Variants in RPF1 observed in about 807,000 individuals in gnomAD.
RPF1 encodes ribosome production factor 1 homolog.
In RPF1, 34 loss-of-function variants were observed where a neutral mutation model predicts 41.9. That is an observed-to-expected ratio of 0.81 (90% CI 0.62 to 1.08). The LOEUF is 1.08. RPF1 is among the 50% of genes least tolerant of loss of function. The pLI is 0.00. For missense variants in RPF1, 425 were observed against 435.2 expected, an observed-to-expected ratio of 0.98 and a Z score of 0.21; for synonymous variants, 140 against 148.9, an observed-to-expected ratio of 0.94 and a Z score of 0.43.
Position 84,496,313 on chromosome 1 carries a change from G to T in RPF1, c.951G>T (p.Arg317Ser). 1.9e-6 allele frequency: 3 copies of T among 1,613,160 alleles called. No individual in the cohort carries two copies. The highest frequency in any genetic ancestry group is 2.5e-6 in the Non-Finnish European group (3 of 1,179,288). ...GACCACGTTTTACCTTAAAATTAAG[G>T]TCTCTTCAGAAAGGAACCTTTGATT... ...ELGPRFTLKLRSLQKGTFDSK... is the reference protein window; with the variant it reads ...ELGPRFTLKLSSLQKGTFDSK... The change falls in exon 8 of 9, where the codon AGG (arginine) becomes AGT (serine). Residue 317 changes from arginine to serine, a missense_variant. Coordinates refer to ENST00000370654, the MANE Select transcript of RPF1 (RefSeq NM_025065.7).
intron 2 of RPF1, among the ~76,000 whole-genome samples, chr1:84,481,554 C>T (rs1359109807): frequency 6.6e-6 from 1 of 152,040 alleles, no homozygotes; most frequent in Non-Finnish European, 1.5e-5. Context: ...GGATATGAAC[C>T]TGTGAAAAGT....
intron 3 of RPF1, among the ~76,000 whole-genome samples, chr1:84,484,197 A>G (rs1397568046): frequency 6.6e-6 from 1 of 152,194 alleles, no homozygotes; most frequent in Non-Finnish European, 1.5e-5. Context: ...TTTTGACATT[A>G]TTTCAGACTT....
chr1:84,480,352 G>GA (rs1233782751), intron 1 of RPF1, among the ~76,000 whole-genome samples: 2 of 151,974 alleles, frequency 1.3e-5, no homozygotes, highest in East Asian at 1.9e-4. Context: ...AGGTGCTGGG[G>GA]AAAAAAGAAT....
chr1:84,495,492 C>A, intron 6 of RPF1, 37 bp downstream of exon 6: 1 of 858,746 alleles, frequency 1.2e-6, no homozygotes, highest in Non-Finnish European at 1.9e-6. Context: ...GCATTGATCT[C>A]TTCACAATAT....
chr1:84,484,553 A>G (rs761883571), intron 3 of RPF1, among the ~76,000 whole-genome samples: 12 of 152,084 alleles, frequency 7.9e-5, no homozygotes, highest in Non-Finnish European at 1.3e-4. Context: ...AATAGTATAG[A>G]CCAGATATTC....
chr1:84,493,941 T>C (rs937567109), intron 5 of RPF1, among the ~76,000 whole-genome samples: 1 of 152,248 alleles, frequency 6.6e-6, no homozygotes, highest in Non-Finnish European at 1.5e-5. Flanking sequence ...CTGATACTAA[T>C]GTCTTTTTTC....
At chr1:84,483,880 T>G (rs1180970950) in intron 3 of RPF1, among the ~76,000 whole-genome samples, 1 of 152,248 alleles carries the variant, frequency 6.6e-6, no homozygotes, top group Non-Finnish European at 1.5e-5. Flanking sequence ...TCTGTCATTC[T>G]TTCAGCAAAT....
At chr1:84,495,584 T>A in intron 6 of RPF1, 129 bp downstream of exon 6, 1 of 589,228 alleles carries the variant, frequency 1.7e-6, no homozygotes. Flanking sequence ...GAGCAGTTTT[T>A]AATCTATCAA....
intron 3 of RPF1, 34 bp from the exon 4 acceptor site, chr1:84,489,599 T>C (rs781399915): frequency 3.4e-6 from 4 of 1,192,176 alleles, no homozygotes; most frequent in Admixed American, 1.7e-5. Context: ...GAGTATTTCT[T>C]TGATGTAAAA....
At chr1:84,480,003 G>A (rs1681614677) in intron 1 of RPF1, among the ~76,000 whole-genome samples, 1 of 152,076 alleles carries the variant, frequency 6.6e-6, no homozygotes, top group East Asian at 1.9e-4. Flanking sequence ...ATCCTTATAC[G>A]TTTCTGGTAG....
intron 2 of RPF1, 43 bp from the exon 3 acceptor site, chr1:84,482,872 A>G (rs1471840246): frequency 1.7e-6 from 2 of 1,202,652 alleles, no homozygotes; most frequent in South Asian, 1.3e-5. Context: ...AATATAATTA[A>G]TGTAAAATCC....
At chr1:84,479,934 T>C (rs78307576) in intron 1 of RPF1, among the ~76,000 whole-genome samples, 2,663 of 152,286 alleles carry the variant, frequency 0.017, 71 homozygotes, top group African/African-American at 0.059. Flanking sequence ...CTGCAGGAGC[T>C]CCTTACCGAA....
At chr1:84,491,011 T>C (rs1173966137) in intron 5 of RPF1, among the ~76,000 whole-genome samples, 2 of 152,110 alleles carry the variant, frequency 1.3e-5, no homozygotes, top group East Asian at 1.9e-4. Flanking sequence ...TATGGTTTGT[T>C]GTGGCTAGAT....
intron 1 of RPF1, 105 bp from the exon 2 acceptor site, chr1:84,480,851 G>A (rs1681632637): frequency 1.6e-6 from 1 of 636,852 alleles, no homozygotes; most frequent in South Asian, 2.1e-5. Flanking sequence ...TACAAAGACC[G>A]CCCAGTTCGA....
intron 8 of RPF1, among the ~76,000 whole-genome samples, chr1:84,496,607 A>AT (rs1284886734): frequency 6.6e-6 from 1 of 151,098 alleles, no homozygotes; most frequent in East Asian, 2.0e-4. Context: ...GGGTCTGGTG[A>AT]TTAACCTTGG....
intron 3 of RPF1, among the ~76,000 whole-genome samples, chr1:84,486,767 T>G (rs953218410): frequency 3.3e-5 from 5 of 151,958 alleles, no homozygotes; most frequent in African/African-American, 1.2e-4. Context: ...GTAGTTACAA[T>G]GAAAGTGGTG....
rs1299050479 is a variant in RPF1, at chr1:84,479,411, A to C, written c.130A>C (p.Lys44Gln). The change falls in exon 1 of 9, where the codon AAA becomes CAA. Residue 44 changes from lysine (K) to glutamine (Q), a missense_variant. Transcript: ENST00000370654. The part of the protein sequence containing the change: ...GATENGVQPP[K>Q]AAAFPPGFSI... ...GACGGAAAACGGGGTCCAACCCCCG[A>C]AAGCGGCTGCCTTTCCGCCAGGCTT... is the stretch of plus-strand genomic sequence containing the variant. The C allele has an allele frequency of 1.2e-6, 2 of 1,614,136 alleles. No homozygotes were observed. The highest frequency in any genetic ancestry group is 1.3e-5 in the African/African-American group (1 of 74,956).
At chr1:84,481,564 T>A (rs1374411056) in intron 2 of RPF1, among the ~76,000 whole-genome samples, 3 of 152,016 alleles carry the variant, frequency 2.0e-5, no homozygotes, top group East Asian at 3.9e-4. Context: ...CTGTGAAAAG[T>A]GAGAATGGGG....
intron 5 of RPF1, among the ~76,000 whole-genome samples, chr1:84,491,600 ATACTT>A (rs1183807604): frequency 3.9e-5 from 6 of 152,328 alleles, no homozygotes; most frequent in South Asian, 2.1e-4. Context: ...AATCTCTTGA[ATACTT>A]AACTACTCCA....
Sources: allele counts gnomAD v4.1 joint callset (sites outside exome capture counted in the v4.1 genomes callset), GRCh38; gene constraint gnomAD v4.1.1; transcripts MANE v1.5; gene names NCBI Gene and HGNC (gene_info 2026-07-23, HGNC 2026-07-21).